The following ANPEP variants were observed in gnomAD, a reference collection of about 807,000 sequenced individuals.
ANPEP encodes the protein aminopeptidase N.
Under a neutral mutation model 114.6 loss-of-function variants are expected in ANPEP, and 70 were observed. That is an observed-to-expected ratio of 0.61 (90% CI 0.50 to 0.75). The LOEUF (loss-of-function observed/expected upper bound fraction) is 0.75. ANPEP is among the 30% of genes least tolerant of loss of function. The pLI, the probability that ANPEP is intolerant of heterozygous loss-of-function variation, is 0.00. For synonymous variants in ANPEP, 548 were observed against 522.3 expected (o/e 1.05, Z -0.67); for missense variants, 1,184 against 1,259.5 (o/e 0.94, Z 0.91).
intron 20 of ANPEP, among the ~76,000 whole-genome samples, chr15:89,790,056 C>T (rs1475237881): frequency 7.9e-6 from 1 of 126,566 alleles, no homozygotes; most frequent in African/African-American, 3.2e-5. Flanking sequence ...AAGACTCCAT[C>T]TCAAAAAAAA....
At chr15:89,811,341 CTA>C (rs1462955991) in intron 1 of ANPEP, among the ~76,000 whole-genome samples, 3 of 152,094 alleles carry the variant, frequency 2.0e-5, no homozygotes, top group Non-Finnish European at 2.9e-5. Flanking sequence ...CAATTCATGA[CTA>C]TTGGTTTAAA....
intron 14 of ANPEP, among the ~76,000 whole-genome samples, chr15:89,798,855 C>T (rs1247121093): frequency 2.0e-5 from 3 of 152,210 alleles, no homozygotes; most frequent in Non-Finnish European, 2.9e-5. Flanking sequence ...CAGAGAATCG[C>T]TTGAACCTGG....
chr15:89,813,912 G>C (rs979484746), intron 1 of ANPEP, among the ~76,000 whole-genome samples: 2 of 152,136 alleles, frequency 1.3e-5, no homozygotes, highest in African/African-American at 4.8e-5. Context: ...TCCAGGGGCT[G>C]AGGTGGGGGA....
In ANPEP at chr15:89,804,381, C is replaced by G. The variant is rs367926309; in HGVS notation, c.1051G>C (p.Ala351Pro). The part of the protein sequence containing the change: ...SDQIGLPDFN[A>P]GAMENWGLVT... ...AGTCCCCAGTTCTCCATGGCGCCGG[C>G]GTTGAAGTCTGGCAGGCCAATCTGG... Residue 351 changes from alanine (A) to proline (P), a missense_variant, in exon 6 of 21, where the codon GCC becomes CCC. Transcript: ENST00000300060. 1.9e-6 allele frequency: 3 copies of G among 1,614,222 alleles called. No individual in the cohort carries two copies. The highest frequency in any genetic ancestry group is 1.7e-6 in the Non-Finnish European group (2 of 1,180,038).
chr15:89,805,894 C>T, intron 2 of ANPEP, 76 bp downstream of exon 2: 1 of 1,524,426 alleles, frequency 6.6e-7, no homozygotes, highest in Non-Finnish European at 8.8e-7. Flanking sequence ...AAGCTAAGTC[C>T]TTCCTTGGCC....
rs754058454 is a variant in ANPEP at position 89,803,596 on chromosome 15, C to T, written c.1437+51G>A. The stretch of plus-strand genomic sequence containing the variant: ...GACCCTGCCTTCAGTGAGGCCCCTC[C>T]AGGCCAAGTCCCCACCTCCTTCCCC... On this transcript the variant is annotated intron_variant, in intron 8 of 20. Coordinates refer to ENST00000300060, the MANE Select transcript of ANPEP (RefSeq NM_001150.3). This position sits in a 1 kb window ranked among gnomAD's most constrained non-coding sequence, Gnocchi z 4.2. 6.2e-7 allele frequency: 1 copy of T among 1,602,032 alleles called. No homozygotes were observed. Among genetic ancestry groups the T allele is most frequent in the Non-Finnish European group, 8.5e-7 (1 of 1,174,054 alleles).
chr15:89,804,915 G>A, intron 4 of ANPEP, 163 bp downstream of exon 4: 2 of 1,073,550 alleles, frequency 1.9e-6, no homozygotes, highest in Non-Finnish European at 2.7e-6. Flanking sequence ...TTCAGGTGCA[G>A]AAATGGAGAA....
intron 20 of ANPEP, among the ~76,000 whole-genome samples, chr15:89,787,660 C>A (rs1968532484): frequency 6.6e-6 from 1 of 152,112 alleles, no homozygotes; most frequent in African/African-American, 2.4e-5. Flanking sequence ...AATAAAAAGA[C>A]AACCCAATTT....
chr15:89,812,419 C>T (rs1894832718), intron 1 of ANPEP, among the ~76,000 whole-genome samples: 1 of 152,234 alleles, frequency 6.6e-6, no homozygotes, highest in South Asian at 2.1e-4. Flanking sequence ...TCTGAGGCCT[C>T]CGCCCATAGC....
rs766618769 is a variant in ANPEP, at chr15:89,797,686, G to A, written c.2046C>T (p.Asn682=). The part of the protein sequence containing the change: ...HKVPVTLALN[N]TLFLIEERQY... ...GTCTCTCTTCAATCAGGAAGAGGGT[G>A]TTGTTCAGCGCCAGAGTGACAGGGA... Residue 682 remains asparagine, a synonymous_variant, in exon 15 of 21, where the codon AAC becomes AAT. Coordinates refer to ENST00000300060, the MANE Select transcript of ANPEP (RefSeq NM_001150.3). 1 of 1,614,154 alleles carries A rather than the reference G, an allele frequency of 6.2e-7. No individual in the cohort carries two copies. Among genetic ancestry groups the A allele is most frequent in the Non-Finnish European group, 8.5e-7 (1 of 1,180,024 alleles).
chr15:89,803,294 T>G lies in ANPEP; in HGVS notation c.1514A>C (p.His505Pro). Reference sequence around the variant, plus strand: ...GATGGTGTTCTGGTAGGCAAAGGTGTGGAGGTAGGACTGTGGAAAGACGGG... The same window carrying G: ...GATGGTGTTCTGGTAGGCAAAGGTGGGGAGGTAGGACTGTGGAAAGACGGG... ...VFKQGLASYL[H>P]TFAYQNTIYL... Residue 505 changes from histidine to proline, a missense_variant, in exon 10 of 21, where the codon CAC (histidine) becomes CCC (proline). Physicochemically the swap from His to Pro is moderately conservative, Grantham distance 77. Transcript: ENST00000300060. The surrounding 1 kb of genome is among the most constrained non-coding windows in gnomAD (Gnocchi z 4.2). 1 of 1,613,944 alleles carries G rather than the reference T, an allele frequency of 6.2e-7. No individual in the cohort carries two copies. The highest frequency in any genetic ancestry group is 8.5e-7 in the Non-Finnish European group (1 of 1,179,934).
Position 89,806,737 on chromosome 15 carries a change from G to A in ANPEP, c.-154C>T. ...TCCAACAGGCGAAGGTCACTGGACTGGGCAGGGGCACGCTCCGCCTGGGGA... is the reference window on the plus strand; with the variant it reads ...TCCAACAGGCGAAGGTCACTGGACTAGGCAGGGGCACGCTCCGCCTGGGGA... On this transcript the variant is annotated 5_prime_UTR_variant, in exon 2 of 21. Transcript: ENST00000300060. The surrounding 1 kb of genome is among the most constrained non-coding windows in gnomAD (Gnocchi z 5.7). 8.1e-7 allele frequency: 1 copy of A among 1,228,506 alleles called. No individual in the cohort carries two copies. The highest frequency in any genetic ancestry group is 1.1e-6 in the Non-Finnish European group (1 of 912,618). 76.1% of individuals were successfully genotyped at this position (1,228,506 alleles called of 1,614,324 possible). A position where few individuals can be genotyped will look rare whatever the true frequency, so the allele number is the denominator to read the frequency against.
chr15:89,790,858 G>A, intron 19 of ANPEP, 95 bp downstream of exon 19: 3 of 1,486,180 alleles, frequency 2.0e-6, no homozygotes, highest in Non-Finnish European at 2.7e-6. Flanking sequence ...GTCCACTTCT[G>A]GTTAGTGCCC....
intron 1 of ANPEP, among the ~76,000 whole-genome samples, chr15:89,809,329 T>C (rs1391430020): frequency 6.6e-6 from 1 of 152,214 alleles, no homozygotes; most frequent in Non-Finnish European, 1.5e-5. Context: ...CAAGTCGGCC[T>C]GGACTAATCC....
At position 89,806,574 on chromosome 15, in the gene ANPEP, C is replaced by T. The variant is rs749203622; in HGVS notation, c.10G>A (p.Gly4Ser). 6.3e-7 allele frequency: 1 copy of T among 1,599,806 alleles called. No individual in the cohort carries two copies. Among genetic ancestry groups the T allele is most frequent in the Admixed American group, 1.7e-5 (1 of 58,622 alleles). Residue 4 changes from glycine (G) to serine (S), a missense_variant, in exon 2 of 21, where the codon GGC becomes AGC. Physicochemically the swap from Gly to Ser is moderately conservative, Grantham distance 56. Coordinates refer to ENST00000300060, the MANE Select transcript of ANPEP (RefSeq NM_001150.3). The surrounding 1 kb of genome is among the most constrained non-coding windows in gnomAD (Gnocchi z 5.7). ...CCCAGGGACTTGGAAATATAGAAGCCCTTGGCCATGGTGATGGTGGGGAGG... is the reference window on the plus strand; with the variant it reads ...CCCAGGGACTTGGAAATATAGAAGCTCTTGGCCATGGTGATGGTGGGGAGG... MAKGFYISKSLGIL... is the reference protein window; with the variant it reads MAKSFYISKSLGIL...
chr15:89,800,440 C>G (rs1313341456), intron 12 of ANPEP, among the ~76,000 whole-genome samples: 1 of 152,176 alleles, frequency 6.6e-6, no homozygotes, highest in Non-Finnish European at 1.5e-5. Context: ...CATCTGTAGC[C>G]TTGGCCAAGG....
Position 89,790,460 on chromosome 15 carries a change from C to T in ANPEP, c.2751G>A (p.Gln917=). The change falls in exon 20 of 21, where the codon CAG becomes CAA. Residue 917 remains glutamine, a splice_region_variant and synonymous_variant. Coordinates refer to ENST00000300060, the MANE Select transcript of ANPEP (RefSeq NM_001150.3). ...RRFSTEYELQ[Q]LEQFKKDNEE... is the part of the protein sequence containing the mutation. ...CCAGGTCTGGGGAATGACTTCTTACCTGCTGCAGCTCATACTCGGTGGAGA... is the reference window on the plus strand; with the variant it reads ...CCAGGTCTGGGGAATGACTTCTTACTTGCTGCAGCTCATACTCGGTGGAGA... The T allele has an allele frequency of 6.2e-7, 1 of 1,613,614 alleles. No individual in the cohort carries two copies. Among genetic ancestry groups the T allele is most frequent in the Non-Finnish European group, 8.5e-7 (1 of 1,179,636 alleles).
intron 19 of ANPEP, 72 bp from the exon 20 acceptor site, chr15:89,790,613 G>A (rs1968602412): frequency 7.4e-7 from 1 of 1,348,862 alleles, no homozygotes; most frequent in East Asian, 2.3e-5. Flanking sequence ...CACCTACTGG[G>A]TAGGGAGCCA....
Position 89,806,287 on chromosome 15 carries a change from G to GC in ANPEP, c.296dup (p.Leu100ProfsTer5). 1 of 1,614,156 alleles carries GC rather than the reference G, an allele frequency of 6.2e-7. No homozygotes were observed. Among genetic ancestry groups the GC allele is most frequent in the Non-Finnish European group, 8.5e-7 (1 of 1,180,040 alleles). On this transcript the variant is annotated frameshift_variant, in exon 2 of 21. Coordinates refer to ENST00000300060, the MANE Select transcript of ANPEP (RefSeq NM_001150.3). LOFTEE classifies it high-confidence loss of function. This position sits in a 1 kb window ranked among gnomAD's most constrained non-coding sequence, Gnocchi z 5.7. ...TGCTGGAGCCCTTAAAAACGTACAG[G>GC]CCCCTGTCATTGGGGGTGAGGTACG... is the stretch of plus-strand genomic sequence containing the variant.
Sources: gnomAD v4.1 joint callset for allele counts (sites outside exome capture counted in the v4.1 genomes callset) on GRCh38, gnomAD v4.1.1 for gene constraint, Gnocchi (gnomAD v3.1) non-coding constraint, MANE v1.5 for transcripts, NCBI Gene and HGNC (gene_info 2026-07-23, HGNC 2026-07-21) for gene names.